The following GUCY1A2 variants were observed in gnomAD, a reference collection of about 807,000 sequenced individuals.
GUCY1A2 encodes guanylate cyclase soluble subunit alpha-2.
GUCY1A2 carries 27 observed loss-of-function variants against 63.5 expected under a neutral mutation model. The ratio of observed to expected loss-of-function variants is 0.43; its 90% confidence interval spans 0.31 to 0.59. GUCY1A2 has a LOEUF of 0.59. GUCY1A2 is among the 20% of genes least tolerant of loss of function. The probability of loss-of-function intolerance (pLI) is 0.11; values close to 1 mark genes in which losing one functional copy is unlikely to be tolerated. For missense variants in GUCY1A2, 768 were observed against 913.3 expected (o/e 0.84, Z 2.05); for synonymous variants, 364 against 343.5 (o/e 1.06, Z -0.66).
At chr11:106,691,750 C>G (rs1033683985) in intron 7 of GUCY1A2, among the ~76,000 whole-genome samples, 1 of 152,136 alleles carries the variant, frequency 6.6e-6, no homozygotes, top group African/African-American at 2.4e-5. Context: ...ATGGTATTTG[C>G]TTTTCCCAGT....
chr11:107,008,424 A>G (rs1005798397), intron 1 of GUCY1A2, among the ~76,000 whole-genome samples: 2 of 152,242 alleles, frequency 1.3e-5, no homozygotes, highest in African/African-American at 4.8e-5. Context: ...AAATAATGTT[A>G]TAACTATATT....
At chr11:106,823,897 C>T in intron 4 of GUCY1A2, 2 of 347,452 alleles carry the variant, frequency 5.8e-6, no homozygotes, top group Non-Finnish European at 1.0e-5. Context: ...TGTCCTTTGC[C>T]CACTTTTTTT....
chr11:106,767,746 T>G (rs1308215367), intron 6 of GUCY1A2, among the ~76,000 whole-genome samples: 2 of 152,142 alleles, frequency 1.3e-5, no homozygotes, highest in East Asian at 3.9e-4. Context: ...TATAGCATCA[T>G]GTCAGAAGAG....
rs774716082 is a variant in GUCY1A2, at chr11:106,680,835, T to C, written c.*6714A>G. On this transcript the variant is annotated 3_prime_UTR_variant, in exon 8 of 8. Transcript: ENST00000526355. The stretch of plus-strand genomic sequence containing the variant: ...GGGTTCATATTCATGTTTAGGGGAT[T>C]GTTTACCTTGCAGGGCAATAATAGG... 4.4e-5 allele frequency: 9 copies of C among 206,666 alleles called. No homozygotes were observed. Among genetic ancestry groups the C allele is most frequent in the African/African-American group, 1.6e-4 (7 of 43,812 alleles). The allele number at this position is 206,666 out of a possible 1,614,324, so 12.8% of individuals were successfully genotyped here.
Position 106,761,407 on chromosome 11 carries a change from G to T in GUCY1A2, c.1836+15032C>A, listed in dbSNP as rs1466300723. Among the ~76,000 whole-genome samples the T allele has an allele frequency of 1.3e-5, 2 of 152,110 alleles. 1 individual carries two copies. The highest frequency in any genetic ancestry group is 3.9e-4 in the East Asian group (2 of 5,192). ...AAGAAGGATGGGTGTCTTAGCCCCA[G>T]TTCAGTAAAGCAAAAAGGGTGAATT... is the stretch of plus-strand genomic sequence containing the variant. On this transcript the variant is annotated intron_variant, in intron 6 of 7. Transcript: ENST00000526355.
At chr11:106,727,398 C>T (rs1425921184) in intron 6 of GUCY1A2, among the ~76,000 whole-genome samples, 3 of 152,198 alleles carry the variant, frequency 2.0e-5, no homozygotes, top group African/African-American at 7.2e-5. Context: ...CTGAATCTGT[C>T]AAACAGAAGC....
intron 3 of GUCY1A2, among the ~76,000 whole-genome samples, chr11:106,948,899 A>G (rs1057449738): frequency 6.6e-6 from 1 of 152,206 alleles, no homozygotes; most frequent in Admixed American, 6.5e-5. Flanking sequence ...ATCAATTAAG[A>G]TCGTACAATG....
chr11:106,883,174 G>C (rs918943366), intron 4 of GUCY1A2, among the ~76,000 whole-genome samples: 1 of 152,004 alleles, frequency 6.6e-6, no homozygotes, highest in Non-Finnish European at 1.5e-5. Flanking sequence ...GCCCGCAATT[G>C]CATCTTTTAA....
chr11:106,882,219 T>G (rs1362599708), intron 4 of GUCY1A2, among the ~76,000 whole-genome samples: 1 of 152,020 alleles, frequency 6.6e-6, no homozygotes, highest in East Asian at 1.9e-4. Flanking sequence ...GCATCACCAT[T>G]ATCTAAGTGG....
intron 4 of GUCY1A2, among the ~76,000 whole-genome samples, chr11:106,820,367 A>T (rs1858885448): frequency 6.6e-6 from 1 of 152,292 alleles, no homozygotes; most frequent in Admixed American, 6.5e-5. Flanking sequence ...TTGATTAGTG[A>T]GCAGCCAGTA....
chr11:106,888,048 GTC>G (rs141272924), intron 4 of GUCY1A2, among the ~76,000 whole-genome samples: 3,472 of 152,226 alleles, frequency 0.023, 55 homozygotes, highest in Non-Finnish European at 0.034. Context: ...GCCTGACAAA[GTC>G]TCTCTCTGAA....
chr11:106,714,833 C>T, intron 6 of GUCY1A2, among the ~76,000 whole-genome samples: 1 of 152,014 alleles, frequency 6.6e-6, no homozygotes, highest in Non-Finnish European at 1.5e-5. Flanking sequence ...ATTTTCCAGC[C>T]CCAAATATCA....
chr11:106,844,172 A>C (rs1859240285), intron 4 of GUCY1A2, among the ~76,000 whole-genome samples: 1 of 151,874 alleles, frequency 6.6e-6, no homozygotes. Flanking sequence ...TGTGGACATA[A>C]GTATTTTTAA....
intron 3 of GUCY1A2, among the ~76,000 whole-genome samples, chr11:106,962,485 G>A (rs1322391692): frequency 2.0e-5 from 3 of 151,002 alleles, no homozygotes; most frequent in Non-Finnish European, 4.4e-5. Flanking sequence ...AACCCGGGAG[G>A]CAGAGGTTGC....
At chr11:106,979,486 G>A (rs918673482) in intron 2 of GUCY1A2, among the ~76,000 whole-genome samples, 2 of 149,440 alleles carry the variant, frequency 1.3e-5, no homozygotes, top group Non-Finnish European at 3.0e-5. Flanking sequence ...GAAGAAGATA[G>A]CAGTATGGTG....
rs576383627 is a variant in GUCY1A2 at position 106,826,721 on chromosome 11, C to G, written c.1207-16243G>C. 5.4e-5 allele frequency: 87 copies of G among 1,610,686 alleles called. No homozygotes were observed. In the South Asian group the frequency reaches 9.2e-4, roughly 17 times the overall value. ...TCAATAGAGTCTCCTGAACTCGCTG[C>G]AGCCATGCACTTTGCTGCATACCAT... On this transcript the variant is annotated intron_variant, in intron 4 of 7. Transcript: ENST00000526355.
intron 6 of GUCY1A2, among the ~76,000 whole-genome samples, chr11:106,750,116 G>A (rs1863858252): frequency 6.6e-6 from 1 of 152,054 alleles, no homozygotes; most frequent in African/African-American, 2.4e-5. Context: ...GCTGCAGAAG[G>A]CCTGACAGCC....
intron 7 of GUCY1A2, among the ~76,000 whole-genome samples, chr11:106,692,665 C>T (rs1308013733): frequency 6.6e-6 from 1 of 152,064 alleles, no homozygotes; most frequent in African/African-American, 2.4e-5. Flanking sequence ...AAAAAAGGGT[C>T]AGTGAGTTCA....
chr11:106,777,351 G>A (rs2135403058), intron 5 of GUCY1A2, among the ~76,000 whole-genome samples: 1 of 151,526 alleles, frequency 6.6e-6, no homozygotes, highest in East Asian at 1.9e-4. Context: ...GGAGGCTGAG[G>A]CAGGAGAATC....
Sources: allele counts gnomAD v4.1 joint callset (sites outside exome capture counted in the v4.1 genomes callset), GRCh38; gene constraint gnomAD v4.1.1; transcripts MANE v1.5; gene names NCBI Gene and HGNC (gene_info 2026-07-23, HGNC 2026-07-21).